The following TMEM50A variants were observed in gnomAD, a reference collection of about 807,000 sequenced individuals.
TMEM50A encodes cervical cancer oncogene 9.
A neutral mutation model predicts 23.9 loss-of-function variants in TMEM50A; 8 were observed. The observed-to-expected ratio is 0.33, with a 90% confidence interval of 0.20 to 0.60. The LOEUF (loss-of-function observed/expected upper bound fraction) is 0.60, where lower values mean the gene tolerates loss of function less well. Ranked by LOEUF, TMEM50A falls within the 20% of genes least tolerant of loss-of-function variation. TMEM50A has a pLI of 0.81. For synonymous variants in TMEM50A, 55 were observed against 60.4 expected, an observed-to-expected ratio of 0.91 and a Z score of 0.41; for missense variants, 178 against 192.7, an observed-to-expected ratio of 0.92 and a Z score of 0.45.
Position 25,360,789 on chromosome 1 carries a change from A to G in TMEM50A, c.*84A>G. 1.4e-6 allele frequency: 2 copies of G among 1,436,194 alleles called. No individual in the cohort carries two copies. The highest frequency in any genetic ancestry group is 1.9e-6 in the Non-Finnish European group (2 of 1,029,552). 89.0% of individuals were successfully genotyped at this position (1,436,194 alleles called of 1,614,324 possible). A position where few individuals can be genotyped will look rare whatever the true frequency, so the allele number is the denominator to read the frequency against. On this transcript the variant is annotated 3_prime_UTR_variant, in exon 7 of 7. Coordinates refer to ENST00000374358, the MANE Select transcript of TMEM50A (RefSeq NM_014313.4). ...CTCACTCCCAACCTTTTGTAATGCC[A>G]TTTTCTAAACTTATTTCTGAGTGTA... is the stretch of plus-strand genomic sequence containing the variant.
At chr1:25,344,205 C>T (rs1267675652) in intron 3 of TMEM50A, among the ~76,000 whole-genome samples, 1 of 152,132 alleles carries the variant, frequency 6.6e-6, no homozygotes, top group Admixed American at 6.5e-5. Flanking sequence ...TGTGCCACTG[C>T]ACTTCAGTCT....
rs375944904 is a variant in TMEM50A at position 25,356,821 on chromosome 1, T to C, written c.396T>C (p.Ala132=). 20 of 1,593,394 alleles carry C rather than the reference T, an allele frequency of 1.3e-5. No homozygotes were observed. The African/African-American group carries it at 2.0e-4, about 16-fold the overall frequency. Residue 132 remains alanine (A), a synonymous_variant, in exon 6 of 7, where the codon GCT becomes GCC. Transcript: ENST00000374358. ...AAGACATAGTATACCCTGGAATTGCTGTATTTTTCCAGAATGCCTTCATCT... is the reference window on the plus strand; with the variant it reads ...AAGACATAGTATACCCTGGAATTGCCGTATTTTTCCAGAATGCCTTCATCT... ...KEKDIVYPGI[A]VFFQNAFIFF...
At chr1:25,345,217 G>T (rs1645202101) in intron 3 of TMEM50A, among the ~76,000 whole-genome samples, 1 of 151,948 alleles carries the variant, frequency 6.6e-6, no homozygotes, top group South Asian at 2.1e-4. Context: ...GGCCAAGGCG[G>T]GCAGACCACC....
At chr1:25,353,806 A>G (rs544723505) in intron 5 of TMEM50A, among the ~76,000 whole-genome samples, 1 of 152,284 alleles carries the variant, frequency 6.6e-6, no homozygotes, top group Non-Finnish European at 1.5e-5. Flanking sequence ...TAGTAAAAAT[A>G]CAGTATTAAT....
intron 6 of TMEM50A, among the ~76,000 whole-genome samples, chr1:25,359,794 A>G (rs990169459): frequency 6.6e-6 from 1 of 151,996 alleles, no homozygotes; most frequent in African/African-American, 2.4e-5. Context: ...GTTCCTACCA[A>G]TCTCCCATTC....
chr1:25,352,859 G>A (rs763525121), intron 4 of TMEM50A, 23 bp from the exon 5 acceptor site: 3 of 1,603,712 alleles, frequency 1.9e-6, no homozygotes, highest in East Asian at 2.2e-5. Flanking sequence ...AAAGAATTCT[G>A]GTAAAATATT....
At chr1:25,347,551 T>C (rs576706483) in intron 3 of TMEM50A, among the ~76,000 whole-genome samples, 2 of 152,360 alleles carry the variant, frequency 1.3e-5, no homozygotes, top group South Asian at 2.1e-4. Flanking sequence ...TGTAGACTTT[T>C]AATTTAGGTT....
intron 1 of TMEM50A, 25 bp downstream of exon 1, chr1:25,338,481 G>A (rs1423212699): frequency 6.6e-6 from 1 of 152,596 alleles, no homozygotes; most frequent in Admixed American, 6.5e-5. Context: ...GGGAGTGGGG[G>A]TAAGAGAGTA....
chr1:25,348,367 T>A (rs1460491092), intron 3 of TMEM50A, among the ~76,000 whole-genome samples: 1 of 152,206 alleles, frequency 6.6e-6, no homozygotes, highest in Non-Finnish European at 1.5e-5. Context: ...ATGTTCTGTG[T>A]ATTACTCTGT....
intron 5 of TMEM50A, among the ~76,000 whole-genome samples, chr1:25,353,294 C>CT (rs1355425934): frequency 2.6e-5 from 4 of 152,052 alleles, no homozygotes; most frequent in African/African-American, 9.7e-5. Context: ...AGCTTTGTTT[C>CT]TTTTTTAGAG....
intron 5 of TMEM50A, among the ~76,000 whole-genome samples, chr1:25,353,319 A>G (rs889649968): frequency 1.3e-5 from 2 of 152,118 alleles, no homozygotes; most frequent in Admixed American, 6.6e-5. Flanking sequence ...GAGTCTCACT[A>G]TCACCCAGGC....
chr1:25,346,581 G>GT (rs1309824033), intron 3 of TMEM50A, among the ~76,000 whole-genome samples: 1 of 152,000 alleles, frequency 6.6e-6, no homozygotes, highest in South Asian at 2.1e-4. Context: ...CAGTTTTTTT[G>GT]TAAAGACAGG....
At chr1:25,340,088 C>A (rs1314341532) in intron 1 of TMEM50A, among the ~76,000 whole-genome samples, 1 of 152,098 alleles carries the variant, frequency 6.6e-6, no homozygotes, top group African/African-American at 2.4e-5. Flanking sequence ...AGACATGCGC[C>A]ACCACCCCCG....
Position 25,362,325 on chromosome 1 carries a change from ATTTAT to A in TMEM50A, c.*1625_*1629del. On this transcript the variant is annotated 3_prime_UTR_variant, in exon 7 of 7. Transcript: ENST00000374358. The stretch of plus-strand genomic sequence containing the variant: ...TAGCATCATCCTAATGAAACTAAAC[ATTTAT>A]TTTAAACTTATTAAATTGACTCTTA... 2 of 1,205,698 alleles carry A rather than the reference ATTTAT, an allele frequency of 1.7e-6. No homozygotes were observed. The highest frequency in any genetic ancestry group is 1.2e-6 in the Non-Finnish European group (1 of 857,876). 74.7% of individuals were successfully genotyped at this position (1,205,698 alleles called of 1,614,324 possible).
chr1:25,349,549 A>C lies in TMEM50A; in HGVS notation c.207-2077A>C, dbSNP rs1645255490. On this transcript the variant is annotated intron_variant, in intron 3 of 6. Transcript: ENST00000374358. ...CTGAAAATAATTGAGTATTTTGATCATTCTGAAACTTAGATTTGTATGAAT... is the reference window on the plus strand; with the variant it reads ...CTGAAAATAATTGAGTATTTTGATCCTTCTGAAACTTAGATTTGTATGAAT... Among the ~76,000 whole-genome samples, 2 of 152,380 alleles carry C rather than the reference A, an allele frequency of 1.3e-5. 1 individual carries two copies.
chr1:25,360,017 C>T (rs2124267875), intron 6 of TMEM50A, among the ~76,000 whole-genome samples: 1 of 152,188 alleles, frequency 6.6e-6, no homozygotes, highest in South Asian at 2.1e-4. Context: ...TATTTATAGC[C>T]CTGGCACCAA....
chr1:25,358,754 A>G (rs1036496949), intron 6 of TMEM50A, among the ~76,000 whole-genome samples: 1 of 152,350 alleles, frequency 6.6e-6, no homozygotes, highest in East Asian at 1.9e-4. Flanking sequence ...ATTAGAGTTC[A>G]TATCTTGTGA....
chr1:25,341,630 C>T (rs1173560953), intron 2 of TMEM50A, among the ~76,000 whole-genome samples: 1 of 152,102 alleles, frequency 6.6e-6, no homozygotes, highest in Non-Finnish European at 1.5e-5. Flanking sequence ...CTGTCTGCCT[C>T]GGCCTCCCAA....
At chr1:25,359,810 C>T (rs1645376150) in intron 6 of TMEM50A, among the ~76,000 whole-genome samples, 2 of 152,280 alleles carry the variant, frequency 1.3e-5, no homozygotes, top group South Asian at 4.1e-4. Flanking sequence ...CATTCAAACC[C>T]CTGTTTTTCC....
Sources: allele counts gnomAD v4.1 joint callset (sites outside exome capture counted in the v4.1 genomes callset), GRCh38; gene constraint gnomAD v4.1.1; transcripts MANE v1.5; gene names NCBI Gene and HGNC (gene_info 2026-07-23, HGNC 2026-07-21).